Variants in GARNL3 observed in about 807,000 individuals in gnomAD.
GARNL3 encodes GTPase-activating Rap/Ran-GAP domain-like protein 3.
GARNL3 carries 63 observed loss-of-function variants against 125.0 expected under a neutral mutation model. That is an observed-to-expected ratio of 0.50 (90% CI 0.41 to 0.62). The LOEUF is 0.62. Ranked by LOEUF, GARNL3 falls within the 20% of genes least tolerant of loss-of-function variation. The pLI, the probability that GARNL3 is intolerant of heterozygous loss-of-function variation, is 0.00. For synonymous variants in GARNL3, 439 were observed against 457.5 expected (o/e 0.96, Z 0.52); for missense variants, 994 against 1,244.0 (o/e 0.80, Z 3.02).
chr9:127,277,225 T>C (rs1305457490), intron 1 of GARNL3, among the ~76,000 whole-genome samples: 1 of 152,128 alleles, frequency 6.6e-6, no homozygotes, highest in Non-Finnish European at 1.5e-5. Context: ...TCCTTATGTG[T>C]TTCTTATTTA....
intron 1 of GARNL3, chr9:127,224,704 G>C (rs986345215): frequency 6.5e-6 from 1 of 152,802 alleles, no homozygotes; most frequent in Admixed American, 6.5e-5. Flanking sequence ...GAGTGCGAGG[G>C]CCTTGCGCGA....
intron 9 of GARNL3, among the ~76,000 whole-genome samples, chr9:127,334,660 A>G (rs577948381): frequency 6.6e-6 from 1 of 152,284 alleles, no homozygotes; most frequent in East Asian, 1.9e-4. Flanking sequence ...TCTGCTAAGC[A>G]CTTTGCAAAT....
chr9:127,287,894 C>G (rs1417563609), intron 1 of GARNL3, among the ~76,000 whole-genome samples: 3 of 152,204 alleles, frequency 2.0e-5, no homozygotes, highest in Non-Finnish European at 2.9e-5. Flanking sequence ...ATTAATGAAC[C>G]TTCTCTGCTT....
At chr9:127,277,889 A>G (rs1197437281) in intron 1 of GARNL3, among the ~76,000 whole-genome samples, 2 of 152,018 alleles carry the variant, frequency 1.3e-5, no homozygotes, top group Non-Finnish European at 2.9e-5. Flanking sequence ...CATATTTTAC[A>G]TTGTCATTAT....
upstream of GARNL3, among the ~76,000 whole-genome samples, chr9:127,259,936 G>A (rs971260119): frequency 6.6e-6 from 1 of 152,154 alleles, no homozygotes; most frequent in African/African-American, 2.4e-5. Context: ...AAGGGGCTAA[G>A]GTAGGAGGAT....
At chr9:127,378,209 A>T (rs1832031942) in intron 22 of GARNL3, among the ~76,000 whole-genome samples, 1 of 149,506 alleles carries the variant, frequency 6.7e-6, no homozygotes, top group Non-Finnish European at 1.5e-5. Context: ...GTGCCACTGC[A>T]CTCCAGCCTG....
At chr9:127,267,363 A>G (rs1291238194) in intron 1 of GARNL3, among the ~76,000 whole-genome samples, 2 of 152,012 alleles carry the variant, frequency 1.3e-5, no homozygotes, top group Non-Finnish European at 2.9e-5. Context: ...ATAGCTACAA[A>G]CCTCATTTTT....
chr9:127,370,127 A>G (rs1272648931), intron 22 of GARNL3, among the ~76,000 whole-genome samples: 1 of 152,214 alleles, frequency 6.6e-6, no homozygotes, highest in Non-Finnish European at 1.5e-5. Context: ...TAACTGTTTT[A>G]CAAGGCACAG....
Position 127,320,791 on chromosome 9 carries a change from T to A in GARNL3, c.567+13T>A. On this transcript the variant is annotated intron_variant, in intron 6 of 27. Transcript: ENST00000373387. The stretch of plus-strand genomic sequence containing the variant: ...TGAAATACAAAAGGTAACAGAAAAT[T>A]TTATGCTTCATAATTGTACAAAATT... The A allele has an allele frequency of 6.5e-7, 1 of 1,548,694 alleles. No homozygotes were observed.
chr9:127,329,455 C>CT (rs1231008356), intron 7 of GARNL3, among the ~76,000 whole-genome samples: 1 of 152,166 alleles, frequency 6.6e-6, no homozygotes, highest in African/African-American at 2.4e-5. Context: ...ACCCTTGCTG[C>CT]TTTACAGACT....
chr9:127,251,719 A>G (rs1287251763), intron 2 of GARNL3, among the ~76,000 whole-genome samples: 1 of 152,200 alleles, frequency 6.6e-6, no homozygotes, highest in African/African-American at 2.4e-5. Context: ...TTTCTCACAT[A>G]TTGGTATTGG....
rs572551917 is a variant in GARNL3, at chr9:127,272,868, C to A, written c.144+7847C>A. ...CTCTGTTGGTGATTGATAGTGCTCACTTTTAAGCTTTTTCAGGCCAAAATT... is the reference window on the plus strand; with the variant it reads ...CTCTGTTGGTGATTGATAGTGCTCAATTTTAAGCTTTTTCAGGCCAAAATT... On this transcript the variant is annotated intron_variant, in intron 1 of 27. Coordinates refer to ENST00000373387, the MANE Select transcript of GARNL3 (RefSeq NM_032293.5). Among the ~76,000 whole-genome samples, 7 of 152,234 alleles carry A rather than the reference C, an allele frequency of 4.6e-5. No homozygotes were observed. The East Asian group carries it at 1.4e-3, about 29-fold the overall frequency.
rs1829101601 is a variant in GARNL3 at position 127,329,637 on chromosome 9, C to G, written c.595-2637C>G. 3.3e-5 allele frequency among the ~76,000 whole-genome samples: 5 copies of G among 152,018 alleles called. No individual in the cohort carries two copies. In the South Asian group the frequency reaches 1.0e-3, roughly 32 times the overall value. On this transcript the variant is annotated intron_variant, in intron 7 of 27. Transcript: ENST00000373387. Reference sequence around the variant, plus strand: ...CCTTTTAAAAGCATTGGCCAGTGATCAGGTGGTAGTAGGCCCCATCTCTGC... The same window carrying G: ...CCTTTTAAAAGCATTGGCCAGTGATGAGGTGGTAGTAGGCCCCATCTCTGC...
chr9:127,231,920 A>G (rs2063026225), intron 1 of GARNL3, among the ~76,000 whole-genome samples: 2 of 152,204 alleles, frequency 1.3e-5, no homozygotes, highest in South Asian at 4.1e-4. Context: ...ACGCTCATAA[A>G]TAATGCCATA....
At chr9:127,263,832 T>C (rs1183948111), upstream of GARNL3, 3 of 1,295,104 alleles carry the variant, frequency 2.3e-6, no homozygotes, top group South Asian at 2.6e-5. Flanking sequence ...GCCATTAGAC[T>C]CTCTAATCTC....
chr9:127,390,056 A>C (rs1174607942), intron 26 of GARNL3, among the ~76,000 whole-genome samples: 1 of 152,180 alleles, frequency 6.6e-6, no homozygotes, highest in Admixed American at 6.5e-5. Context: ...GGAAATATGG[A>C]AGTGACATGT....
intron 13 of GARNL3, 117 bp from the exon 14 acceptor site, chr9:127,342,102 A>G: frequency 1.4e-6 from 1 of 727,100 alleles, no homozygotes; most frequent in Non-Finnish European, 2.4e-6. Context: ...AAAACCTCAA[A>G]CAAAAAAATT....
At position 127,393,148 on chromosome 9, in the gene GARNL3, G is replaced by T. The variant is rs769387480; in HGVS notation, c.2936G>T (p.Ser979Ile). The change falls in exon 28 of 28, where the codon AGC (serine) becomes ATC (isoleucine). Residue 979 changes from serine to isoleucine, a missense_variant. Around this residue, in one of 5 missense-constraint regions of GARNL3, gnomAD observed 728 missense variants for 865.7 expected, o/e 0.84. Coordinates refer to ENST00000373387, the MANE Select transcript of GARNL3 (RefSeq NM_032293.5). ...SEANPEGHSASSDQDPVADRE... is the reference protein window; with the variant it reads ...SEANPEGHSAISDQDPVADRE... ...GCCAACCCTGAGGGGCACTCAGCCA[G>T]CTCTGACCAGGACCCTGTGGCAGAC... 3.1e-6 allele frequency: 5 copies of T among 1,613,208 alleles called. No homozygotes were observed. Among genetic ancestry groups the T allele is most frequent in the Non-Finnish European group, 1.7e-6 (2 of 1,179,156 alleles).
intron 22 of GARNL3, among the ~76,000 whole-genome samples, chr9:127,383,024 A>G (rs1444383624): frequency 2.0e-5 from 3 of 152,214 alleles, no homozygotes; most frequent in Non-Finnish European, 4.4e-5. Flanking sequence ...CGGGCTCTGC[A>G]GTCACGCAGA....
Sources: allele counts gnomAD v4.1 joint callset (sites outside exome capture counted in the v4.1 genomes callset), GRCh38; gene constraint gnomAD v4.1.1; regional missense constraint gnomAD v4.1.1; transcripts MANE v1.5; gene names NCBI Gene and HGNC (gene_info 2026-07-23, HGNC 2026-07-21).